The following SPTLC3 variants were observed in gnomAD, a reference collection of about 807,000 sequenced individuals.
SPTLC3 encodes the protein serine palmitoyltransferase 3.
A neutral mutation model predicts 59.3 loss-of-function variants in SPTLC3; 36 were observed. The ratio of observed to expected loss-of-function variants is 0.61; its 90% CI spans 0.47 to 0.80. SPTLC3 has a LOEUF of 0.80. Among genes scored for constraint, SPTLC3 ranks in the 30% least tolerant of loss-of-function variants. The pLI is 0.00. For synonymous variants in SPTLC3, 257 were observed against 240.8 expected (o/e 1.07, Z -0.62); for missense variants, 625 against 685.1 (o/e 0.91, Z 0.98).
At chr20:13,119,982 C>T (rs6078922) in intron 8 of SPTLC3, among the ~76,000 whole-genome samples, 61,916 of 152,010 alleles carry the variant, frequency 0.41, 12,611 homozygotes, top group Admixed American at 0.43. Flanking sequence ...CTTATGTATC[C>T]GTTCCTTTGT....
chr20:13,154,578 C>A (rs112173447), intron 10 of SPTLC3, among the ~76,000 whole-genome samples: 3 of 152,078 alleles, frequency 2.0e-5, no homozygotes, highest in African/African-American at 4.8e-5. Flanking sequence ...TCATTTCAAG[C>A]GTGGGGAAGC....
At chr20:13,072,518 GT>G (rs1988482707) in intron 3 of SPTLC3, 108 bp downstream of exon 3, 8 of 1,267,084 alleles carry the variant, frequency 6.3e-6, no homozygotes, top group Non-Finnish European at 8.7e-6. Context: ...GAAGCCATTG[GT>G]TTTGTATCAT....
chr20:13,045,529 T>G (rs1987194467), intron 1 of SPTLC3, among the ~76,000 whole-genome samples: 1 of 152,302 alleles, frequency 6.6e-6, no homozygotes, highest in Non-Finnish European at 1.5e-5. Context: ...ATATAGTAAG[T>G]GAGTCACTAG....
At chr20:13,042,527 A>G (rs1466251928) in intron 1 of SPTLC3, among the ~76,000 whole-genome samples, 4 of 152,212 alleles carry the variant, frequency 2.6e-5, no homozygotes, top group Non-Finnish European at 5.9e-5. Flanking sequence ...CTACCCTACC[A>G]GTGGGTGTTC....
intron 10 of SPTLC3, among the ~76,000 whole-genome samples, chr20:13,159,457 G>A (rs988794051): frequency 6.6e-6 from 1 of 152,102 alleles, no homozygotes; most frequent in East Asian, 1.9e-4. Context: ...GCTGCAGTGG[G>A]AATATTGGCT....
At chr20:13,036,154 A>T (rs950992497) in intron 1 of SPTLC3, among the ~76,000 whole-genome samples, 5 of 151,746 alleles carry the variant, frequency 3.3e-5, no homozygotes, top group African/African-American at 4.8e-5. Context: ...GTGATGATTT[A>T]AAAAAAAATA....
chr20:13,158,264 A>C (rs929572070), intron 10 of SPTLC3, among the ~76,000 whole-genome samples: 1 of 152,234 alleles, frequency 6.6e-6, no homozygotes, highest in African/African-American at 2.4e-5. Context: ...GAGTACAAAC[A>C]CAGAGGCTCA....
chr20:13,054,366 T>C (rs1987629051), intron 2 of SPTLC3, among the ~76,000 whole-genome samples: 2 of 152,130 alleles, frequency 1.3e-5, no homozygotes, highest in Non-Finnish European at 2.9e-5. Flanking sequence ...AGAAAGATAA[T>C]TCTGTCTACC....
intron 1 of SPTLC3, among the ~76,000 whole-genome samples, chr20:13,010,621 A>G (rs1985191366): frequency 6.6e-6 from 1 of 152,194 alleles, no homozygotes. Context: ...GAAGGTGCTC[A>G]ACTCCTGTCA....
At chr20:13,021,149 C>T (rs184584660) in intron 1 of SPTLC3, among the ~76,000 whole-genome samples, 187 of 152,282 alleles carry the variant, frequency 1.2e-3, no homozygotes, top group Non-Finnish European at 2.3e-3. Flanking sequence ...AAAGCACATT[C>T]TTCTCTTGAC....
At chr20:13,115,528 C>T (rs1001636550) in intron 7 of SPTLC3, among the ~76,000 whole-genome samples, 5 of 152,166 alleles carry the variant, frequency 3.3e-5, no homozygotes, top group Non-Finnish European at 7.3e-5. Context: ...CTATTTGTGG[C>T]ATGTCAGGTT....
chr20:13,068,773 CA>C (rs951803742), intron 2 of SPTLC3, among the ~76,000 whole-genome samples: 7 of 150,852 alleles, frequency 4.6e-5, no homozygotes, highest in African/African-American at 1.7e-4. Flanking sequence ...ACAACAACAA[CA>C]ACACTAGCCC....
intron 4 of SPTLC3, among the ~76,000 whole-genome samples, chr20:13,088,784 A>ATCT (rs1555792591): frequency 1.2e-4 from 13 of 111,862 alleles, no homozygotes; most frequent in African/African-American, 4.4e-4. Flanking sequence ...GCACCCGGCT[A>ATCT]TTTTTTTTTT....
chr20:13,050,880 A>G (rs1463203684), intron 2 of SPTLC3: 1 of 152,234 alleles, frequency 6.6e-6, no homozygotes, highest in Admixed American at 6.5e-5. Flanking sequence ...AAATGCCGAG[A>G]TAATTCACAC....
intron 2 of SPTLC3, among the ~76,000 whole-genome samples, chr20:13,058,764 T>G (rs572020296): frequency 1.4e-4 from 22 of 152,326 alleles, no homozygotes; most frequent in African/African-American, 5.3e-4. Context: ...TCTGTAGCTA[T>G]AAACAAGCTC....
chr20:13,158,380 T>G (rs929353220), intron 10 of SPTLC3, among the ~76,000 whole-genome samples: 10 of 152,146 alleles, frequency 6.6e-5, no homozygotes, highest in Admixed American at 2.0e-4. Context: ...CAGGTTAGAC[T>G]AATGAATCAA....
rs113062136 is a variant in SPTLC3, at chr20:13,136,604, C to CATATATAT, written c.1279+9895_1279+9902dup. ...AACAGAGTGAGACCTCATCTAAAAA[C>CATATATAT]ATATATATATATATAATATACATAT... On this transcript the variant is annotated intron_variant, in intron 9 of 11. Transcript: ENST00000399002. Among the ~76,000 whole-genome samples the CATATATAT allele has an allele frequency of 4.8e-3, 656 of 136,052 alleles. 10 individuals carry two copies. The highest frequency in any genetic ancestry group is 0.015 in the African/African-American group (582 of 39,226). The allele number at this position is 136,052 out of a possible 152,430, so 89.3% of individuals were successfully genotyped here. A position where few individuals can be genotyped will look rare whatever the true frequency, so the allele number is the denominator to read the frequency against.
intron 7 of SPTLC3, among the ~76,000 whole-genome samples, chr20:13,116,479 C>A (rs929672586): frequency 6.6e-6 from 1 of 151,964 alleles, no homozygotes; most frequent in Admixed American, 6.6e-5. Context: ...TCCATTGAGT[C>A]CCAGAGGTGC....
At chr20:13,062,215 T>C (rs1283157864) in intron 2 of SPTLC3, among the ~76,000 whole-genome samples, 1 of 151,510 alleles carries the variant, frequency 6.6e-6, no homozygotes, top group East Asian at 1.9e-4. Context: ...ATCCCCCATC[T>C]CCCCCACCAG....
Sources: gnomAD v4.1 joint callset for allele counts (sites outside exome capture counted in the v4.1 genomes callset) on GRCh38, gnomAD v4.1.1 for gene constraint, MANE v1.5 for transcripts, NCBI Gene and HGNC (gene_info 2026-07-23, HGNC 2026-07-21) for gene names.